ANTXR1: variants seen among roughly 807,000 people sequenced by gnomAD.
ANTXR1 encodes anthrax toxin receptor 1.
Under a neutral mutation model 78.1 loss-of-function variants are expected in ANTXR1, and 19 were observed. The observed-to-expected ratio is 0.24, with a 90% CI of 0.17 to 0.36. ANTXR1 has a LOEUF of 0.36. Among genes scored for constraint, ANTXR1 ranks in the 10% least tolerant of loss-of-function variants. ANTXR1 has a pLI of 1.00. For synonymous variants in ANTXR1, 273 were observed against 260.5 expected (o/e 1.05, Z -0.46); for missense variants, 518 against 718.6 (o/e 0.72, Z 3.19).
intron 3 of ANTXR1, among the ~76,000 whole-genome samples, chr2:69,063,143 T>C (rs1342616762): frequency 6.6e-6 from 1 of 152,120 alleles, no homozygotes; most frequent in Non-Finnish European, 1.5e-5. Context: ...CATGTATTTG[T>C]GTAATTGGAA....
At chr2:69,191,915 C>T (rs985186455) in intron 16 of ANTXR1, among the ~76,000 whole-genome samples, 10 of 152,236 alleles carry the variant, frequency 6.6e-5, no homozygotes, top group African/African-American at 2.2e-4. Flanking sequence ...CCTCCATTTC[C>T]TCTCCACAGC....
At chr2:69,230,037 T>TAC in intron 17 of ANTXR1, among the ~76,000 whole-genome samples, 1 of 152,190 alleles carries the variant, frequency 6.6e-6, no homozygotes, top group East Asian at 1.9e-4. Flanking sequence ...TAAAGTATAC[T>TAC]ACCCAGGGTA....
chr2:69,184,242 G>C (rs1674365487), intron 16 of ANTXR1, among the ~76,000 whole-genome samples: 1 of 152,230 alleles, frequency 6.6e-6, no homozygotes, highest in African/African-American at 2.4e-5. Context: ...AGCTGAGCTA[G>C]CTCAAGCTCA....
intron 1 of ANTXR1, among the ~76,000 whole-genome samples, chr2:69,018,405 T>C (rs1410141420): frequency 1.3e-5 from 2 of 152,226 alleles, no homozygotes; most frequent in South Asian, 2.1e-4. Flanking sequence ...TTATGTGTTG[T>C]ACTCCAGGGA....
chr2:69,155,739 C>T (rs1673502727), intron 13 of ANTXR1, among the ~76,000 whole-genome samples: 1 of 152,108 alleles, frequency 6.6e-6, no homozygotes. Flanking sequence ...TGAGAGTCTC[C>T]CCTCACCCCA....
At chr2:69,051,232 C>T (rs1422201749) in intron 3 of ANTXR1, among the ~76,000 whole-genome samples, 4 of 151,660 alleles carry the variant, frequency 2.6e-5, no homozygotes, top group Admixed American at 1.3e-4. Flanking sequence ...GAGCTGAGAT[C>T]GCACCACTGC....
At chr2:69,111,222 A>C (rs1671968953) in intron 10 of ANTXR1, among the ~76,000 whole-genome samples, 1 of 152,134 alleles carries the variant, frequency 6.6e-6, no homozygotes, top group Non-Finnish European at 1.5e-5. Flanking sequence ...CTTCACACAA[A>C]CTGTATTTAC....
intron 10 of ANTXR1, among the ~76,000 whole-genome samples, chr2:69,103,936 C>CTTT (rs1406136334): frequency 3.4e-4 from 42 of 125,062 alleles, no homozygotes; most frequent in African/African-American, 1.6e-3. Context: ...TCCTGATAGC[C>CTTT]TATTTTTTTT....
chr2:69,116,814 A>G (rs1461516317), intron 10 of ANTXR1, among the ~76,000 whole-genome samples: 1 of 152,236 alleles, frequency 6.6e-6, no homozygotes, highest in Non-Finnish European at 1.5e-5. Context: ...AAGATTGCCA[A>G]GACTTGAAAA....
Position 69,243,894 on chromosome 2 carries a change from T to A in ANTXR1, c.1435-1331T>A, listed in dbSNP as rs189518239. On this transcript the variant is annotated intron_variant, in intron 17 of 17. Transcript: ENST00000303714. ...GCTGTGGGGAGCAATTCTGTAGGCA[T>A]CCAGACATGCCAGAGAGAGAACAAT... Among the ~76,000 whole-genome samples the A allele has an allele frequency of 1.8e-4, 28 of 152,128 alleles. No homozygotes were observed. In the East Asian group the frequency reaches 5.0e-3, roughly 27 times the overall value.
intron 17 of ANTXR1, among the ~76,000 whole-genome samples, chr2:69,242,751 G>A (rs904744717): frequency 5.3e-5 from 8 of 152,306 alleles, no homozygotes; most frequent in East Asian, 3.9e-4. Flanking sequence ...CTAAATTGTC[G>A]TCATGGGAAT....
chr2:69,241,222 T>C (rs1256105030), intron 17 of ANTXR1, among the ~76,000 whole-genome samples: 1 of 152,180 alleles, frequency 6.6e-6, no homozygotes, highest in Non-Finnish European at 1.5e-5. Context: ...AGCAACCTTT[T>C]AACCAAACAC....
chr2:69,176,292 G>A (rs762565867), intron 14 of ANTXR1, among the ~76,000 whole-genome samples: 1 of 152,132 alleles, frequency 6.6e-6, no homozygotes, highest in African/African-American at 2.4e-5. Context: ...ATATAATGGT[G>A]CCATGACATG....
chr2:69,020,366 G>A (rs1671148355), intron 1 of ANTXR1, among the ~76,000 whole-genome samples: 1 of 151,326 alleles, frequency 6.6e-6, no homozygotes, highest in African/African-American at 2.5e-5. Flanking sequence ...TGGCATATGG[G>A]TCAAAAATAA....
rs187601915 is a variant in ANTXR1, at chr2:69,087,697, T to C, written c.643-3162T>C. On this transcript the variant is annotated intron_variant, in intron 8 of 17. Transcript: ENST00000303714. Reference sequence around the variant, plus strand: ...CTTACCCTGTGTAAGTCTCTTCCACTGCATCTAGTGATTTCCCATCAGCGA... The same window carrying C: ...CTTACCCTGTGTAAGTCTCTTCCACCGCATCTAGTGATTTCCCATCAGCGA... 4.6e-5 allele frequency among the ~76,000 whole-genome samples: 7 copies of C among 152,282 alleles called. No homozygotes were observed. The East Asian group carries it at 1.4e-3, about 29-fold the overall frequency.
At chr2:69,130,732 C>T (rs1672715677) in intron 12 of ANTXR1, among the ~76,000 whole-genome samples, 1 of 152,088 alleles carries the variant, frequency 6.6e-6, no homozygotes, top group Non-Finnish European at 1.5e-5. Flanking sequence ...AGTCTAATGC[C>T]CTGCCCCATT....
intron 17 of ANTXR1, among the ~76,000 whole-genome samples, chr2:69,232,208 GAT>G (rs1675617492): frequency 6.6e-6 from 1 of 152,000 alleles, no homozygotes; most frequent in African/African-American, 2.4e-5. Context: ...GTAAATAAAA[GAT>G]ATAGAGGCTT....
At chr2:69,147,395 G>A (rs1001675474) in intron 12 of ANTXR1, among the ~76,000 whole-genome samples, 1 of 152,284 alleles carries the variant, frequency 6.6e-6, no homozygotes, top group South Asian at 2.1e-4. Flanking sequence ...CCCTTCACAA[G>A]GTAGTTGATT....
At chr2:69,180,531 T>C (rs1221232396) in intron 14 of ANTXR1, among the ~76,000 whole-genome samples, 1 of 152,230 alleles carries the variant, frequency 6.6e-6, no homozygotes, top group East Asian at 1.9e-4. Context: ...ATCTTCTTTC[T>C]TCATCTTAAA....
Sources: gnomAD v4.1 joint callset for allele counts (sites outside exome capture counted in the v4.1 genomes callset) on GRCh38, gnomAD v4.1.1 for gene constraint, MANE v1.5 for transcripts, NCBI Gene and HGNC (gene_info 2026-07-23, HGNC 2026-07-21) for gene names.